The following LGALS8 variants were observed in gnomAD, a reference collection of about 807,000 sequenced individuals.
LGALS8 encodes galectin-8.
LGALS8 carries 30 observed loss-of-function variants against 35.9 expected under a neutral mutation model. The observed-to-expected ratio is 0.83, with a 90% confidence interval of 0.62 to 1.13. The LOEUF is 1.13. Ranked by LOEUF, LGALS8 falls within the 50% of genes most tolerant of loss-of-function variation. LGALS8 has a pLI of 0.00. For synonymous variants in LGALS8, 138 were observed against 136.1 expected, an observed-to-expected ratio of 1.01 and a Z score of -0.10; for missense variants, 366 against 388.7, an observed-to-expected ratio of 0.94 and a Z score of 0.49.
chr1:236,538,092 A>AG (rs1661681777), intron 3 of LGALS8, among the ~76,000 whole-genome samples: 1 of 129,610 alleles, frequency 7.7e-6, no homozygotes, highest in Non-Finnish European at 1.5e-5. Flanking sequence ...GTGACAAAAA[A>AG]AAAAAAGAAA....
rs564531890 is a variant in LGALS8 at position 236,548,369 on chromosome 1, T to C, written c.*208T>C. The C allele has an allele frequency of 3.2e-5, 18 of 559,284 alleles. No individual in the cohort carries two copies. The highest frequency in any genetic ancestry group is 8.9e-5 in the South Asian group (4 of 45,100). The allele number at this position is 559,284 out of a possible 1,614,324, so 34.6% of individuals were successfully genotyped here. On this transcript the variant is annotated 3_prime_UTR_variant, in exon 10 of 10. Transcript: ENST00000366584. Reference sequence around the variant, plus strand: ...GGGAAACTGGGGGCAGCAACACTTATAGCCAGTTAAAGCCACTCTGCCCTC... The same window carrying C: ...GGGAAACTGGGGGCAGCAACACTTACAGCCAGTTAAAGCCACTCTGCCCTC...
At chr1:236,538,765 G>T in intron 3 of LGALS8, 114 bp from the exon 4 acceptor site, 5 of 728,432 alleles carry the variant, frequency 6.9e-6, no homozygotes, top group Non-Finnish European at 9.9e-6. Flanking sequence ...GAATGAATGA[G>T]GAGGGATTGG....
intron 3 of LGALS8, 35 bp from the exon 4 acceptor site, chr1:236,538,844 G>A (rs1236836292): frequency 2.0e-6 from 3 of 1,525,114 alleles, no homozygotes; most frequent in African/African-American, 2.7e-5. Flanking sequence ...TCCTTTCTGA[G>A]CACTCATGGG....
intron 5 of LGALS8, 101 bp downstream of exon 5, chr1:236,540,784 G>C (rs766000326): frequency 5.8e-6 from 7 of 1,202,062 alleles, no homozygotes; most frequent in Admixed American, 2.5e-5. Flanking sequence ...TAAAAAGGAC[G>C]TATCTCCCTG....
intron 7 of LGALS8, 50 bp from the exon 8 acceptor site, chr1:236,543,510 G>A (rs1160581437): frequency 7.5e-7 from 1 of 1,325,364 alleles, no homozygotes; most frequent in Non-Finnish European, 1.1e-6. Context: ...AGTTTTCCCT[G>A]GAGATCGCTT....
chr1:236,533,673 G>C (rs1661282282), intron 2 of LGALS8, among the ~76,000 whole-genome samples: 1 of 151,540 alleles, frequency 6.6e-6, no homozygotes, highest in African/African-American at 2.4e-5. Context: ...ATTGGTCAGG[G>C]TTTGTAGTTA....
At chr1:236,544,607 C>T in intron 8 of LGALS8, 143 bp from the exon 9 acceptor site, 1 of 524,222 alleles carries the variant, frequency 1.9e-6, no homozygotes, top group Admixed American at 3.3e-5. Context: ...TCAACTTCAC[C>T]TGCATTCCCA....
upstream of LGALS8, among the ~76,000 whole-genome samples, chr1:236,522,803 T>G (rs1459545668): frequency 6.6e-6 from 1 of 152,136 alleles, no homozygotes; most frequent in African/African-American, 2.4e-5. Context: ...CTATTCAGAT[T>G]GGATCTTGAG....
chr1:236,533,183 T>C (rs1661246110), intron 2 of LGALS8, among the ~76,000 whole-genome samples: 1 of 152,214 alleles, frequency 6.6e-6, no homozygotes, highest in Non-Finnish European at 1.5e-5. Context: ...GGTCTTGTCT[T>C]TTCCTGCCTC....
chr1:236,548,144 GA>G lies in LGALS8; in HGVS notation c.939del (p.Val314Ter). ...LEINGDIHLL[E>X]VRSW The stretch of plus-strand genomic sequence containing the variant: ...AATTAATGGAGACATCCACTTACTG[GA>G]AGTAAGGAGCTGGTAGCCTACCTAC... On this transcript the variant is annotated frameshift_variant, in exon 10 of 10. Transcript: ENST00000366584. LOFTEE classifies it high-confidence loss of function. 1.4e-5 allele frequency: 22 copies of G among 1,613,654 alleles called. No individual in the cohort carries two copies. The highest frequency in any genetic ancestry group is 1.7e-5 in the Non-Finnish European group (20 of 1,179,696).
At chr1:236,543,888 C>T (rs144968392) in intron 8 of LGALS8, among the ~76,000 whole-genome samples, 5 of 152,092 alleles carry the variant, frequency 3.3e-5, no homozygotes, top group Non-Finnish European at 7.4e-5. Flanking sequence ...TTTTTGTCCA[C>T]GAGGCCTATC....
rs1041940 is a variant in LGALS8, at chr1:236,548,582, G to T, written c.*421G>T. 0.63 allele frequency: 168,574 copies of T among 267,474 alleles called. 54,581 individuals are homozygous for T. The highest frequency in any genetic ancestry group is 0.69 in the Non-Finnish European group (99,432 of 143,940). 16.6% of individuals were successfully genotyped at this position (267,474 alleles called of 1,614,324 possible). On this transcript the variant is annotated 3_prime_UTR_variant, in exon 10 of 10. Transcript: ENST00000366584. Reference sequence around the variant, plus strand: ...CTCTTGAGCTTCGACTCTTCTGTGCGCTACTGCTGCGCACTGCTTTTTCTA... The same window carrying T: ...CTCTTGAGCTTCGACTCTTCTGTGCTCTACTGCTGCGCACTGCTTTTTCTA...
At chr1:236,544,721 G>T (rs1442251239) in intron 8 of LGALS8, 29 bp from the exon 9 acceptor site, 1 of 1,459,210 alleles carries the variant, frequency 6.9e-7, no homozygotes, top group Non-Finnish European at 9.2e-7. Context: ...GGTTAATTAA[G>T]GTTTTTTTTT....
intron 3 of LGALS8, among the ~76,000 whole-genome samples, chr1:236,538,233 G>C (rs1661706458): frequency 6.6e-6 from 1 of 152,104 alleles, no homozygotes; most frequent in Non-Finnish European, 1.5e-5. Context: ...ACCTGCTTTG[G>C]ATACAAGCTG....
At chr1:236,535,374 C>A (rs1344654251) in intron 2 of LGALS8, among the ~76,000 whole-genome samples, 1 of 151,640 alleles carries the variant, frequency 6.6e-6, no homozygotes, top group Non-Finnish European at 1.5e-5. Flanking sequence ...TATTTTGATA[C>A]AGGATACAGT....
chr1:236,542,681 T>TCAGCA, intron 6 of LGALS8, 80 bp from the exon 7 acceptor site: 1 of 1,499,520 alleles, frequency 6.7e-7, no homozygotes, highest in Non-Finnish European at 9.3e-7. Flanking sequence ...CAGGCTCAGC[T>TCAGCA]CAGCACAACC....
intron 2 of LGALS8, among the ~76,000 whole-genome samples, chr1:236,529,278 A>C (rs1469814418): frequency 6.6e-6 from 1 of 152,022 alleles, no homozygotes; most frequent in Non-Finnish European, 1.5e-5. Context: ...ACCATGTTCA[A>C]AAATAAAAAT....
intron 8 of LGALS8, among the ~76,000 whole-genome samples, chr1:236,543,927 CG>C (rs1056176529): frequency 2.5e-4 from 37 of 148,398 alleles, no homozygotes; most frequent in African/African-American, 9.2e-4. Context: ...AGAGCAGCCC[CG>C]TAAGATCAGG....
intron 2 of LGALS8, among the ~76,000 whole-genome samples, chr1:236,533,985 G>T (rs527402064): frequency 6.6e-6 from 1 of 152,302 alleles, no homozygotes; most frequent in South Asian, 2.1e-4. Flanking sequence ...CCCGGATGTA[G>T]CTGCCTTTGA....
Sources: gnomAD v4.1 joint callset for allele counts (sites outside exome capture counted in the v4.1 genomes callset) on GRCh38, gnomAD v4.1.1 for gene constraint, MANE v1.5 for transcripts, NCBI Gene and HGNC (gene_info 2026-07-23, HGNC 2026-07-21) for gene names.